Variants in HSDL1 observed in about 807,000 individuals in gnomAD.
HSDL1 encodes the protein inactive hydroxysteroid dehydrogenase-like protein 1.
HSDL1 carries 29 observed loss-of-function variants against 31.5 expected under a neutral mutation model. The ratio of observed to expected loss-of-function variants is 0.92; its 90% CI spans 0.69 to 1.26. The LOEUF (loss-of-function observed/expected upper bound fraction) is 1.26. Ranked by LOEUF, HSDL1 falls within the 50% of genes most tolerant of loss-of-function variation. The probability of loss-of-function intolerance (pLI) is 0.00; values close to 1 mark genes in which losing one functional copy is unlikely to be tolerated. For missense variants in HSDL1, 503 were observed against 416.6 expected (o/e 1.21, Z -1.81); for synonymous variants, 222 against 155.2 (o/e 1.43, Z -3.20).
chr16:84,130,959 T>G, intron 3 of HSDL1, 143 bp downstream of exon 3: 1 of 694,896 alleles, frequency 1.4e-6, no homozygotes, highest in East Asian at 2.6e-5. Flanking sequence ...GAAAATGAAA[T>G]GTGAACATAA....
chr16:84,140,013 C>A (rs1022382794), intron 1 of HSDL1, among the ~76,000 whole-genome samples: 1 of 152,194 alleles, frequency 6.6e-6, no homozygotes, highest in African/African-American at 2.4e-5. Context: ...TCAATCACTT[C>A]CTAACAAGCA....
At chr16:84,137,485 G>T (rs1036018624) in intron 1 of HSDL1, among the ~76,000 whole-genome samples, 4 of 152,198 alleles carry the variant, frequency 2.6e-5, no homozygotes, top group African/African-American at 9.7e-5. Context: ...AGCTGGTGGG[G>T]CTTGTTTAGG....
rs538226858 is a variant in HSDL1, at chr16:84,123,639, A to G, written c.*991T>C. On this transcript the variant is annotated 3_prime_UTR_variant, in exon 6 of 6. Coordinates refer to ENST00000219439, the MANE Select transcript of HSDL1 (RefSeq NM_031463.5). ...TTGTCCATATTTTACTATTCCATAA[A>G]TACTTACTATTTCTATCAATAATGC... The G allele has an allele frequency of 6.6e-6, 1 of 152,656 alleles. No individual in the cohort carries two copies. Among genetic ancestry groups the G allele is most frequent in the Non-Finnish European group, 1.5e-5 (1 of 68,042 alleles). 9.5% of individuals were successfully genotyped at this position (152,656 alleles called of 1,614,324 possible).
intron 5 of HSDL1, among the ~76,000 whole-genome samples, chr16:84,128,584 G>GT (rs550006226): frequency 9.2e-5 from 14 of 152,104 alleles, no homozygotes; most frequent in African/African-American, 2.2e-4. Context: ...TGGTTTTGTG[G>GT]TTTTTTTGGA....
At position 84,130,032 on chromosome 16, in the gene HSDL1, G is replaced by A. The variant is rs571177869; in HGVS notation, c.620C>T (p.Ser207Phe). Residue 207 changes from serine to phenylalanine, a missense_variant, in exon 4 of 6, where the codon TCC (serine) becomes TTC (phenylalanine). Transcript: ENST00000219439. ...KGAIVTISSG[S>F]CCKPTPQLAA... ...CAGCTGAGGAGTGGGTTTGCAGCAG[G>A]AGCCAGAAGAGATCGTGACGATGGC... is the stretch of plus-strand genomic sequence containing the variant. 8 of 1,614,136 alleles carry A rather than the reference G, an allele frequency of 5.0e-6. No homozygotes were observed. Among genetic ancestry groups the A allele is most frequent in the African/African-American group, 1.3e-5 (1 of 75,022 alleles).
chr16:84,131,880 C>T (rs1460039298), intron 2 of HSDL1, among the ~76,000 whole-genome samples: 2 of 152,154 alleles, frequency 1.3e-5, no homozygotes, highest in South Asian at 2.1e-4. Flanking sequence ...AGGGTTTCAC[C>T]GCGTTAGCCA....
At chr16:84,125,359 CCAAT>C (rs949636622) in intron 5 of HSDL1, among the ~76,000 whole-genome samples, 11 of 150,796 alleles carry the variant, frequency 7.3e-5, no homozygotes, top group Non-Finnish European at 1.3e-4. Context: ...CAAACACCCA[CCAAT>C]CAATCACAAT....
rs766503691 is a variant in HSDL1, at chr16:84,131,112, G to T, written c.210C>A (p.Ala70=). 6.2e-7 allele frequency: 1 copy of T among 1,607,338 alleles called. No homozygotes were observed. The highest frequency in any genetic ancestry group is 8.5e-7 in the Non-Finnish European group (1 of 1,174,426). Residue 70 remains alanine, a synonymous_variant, in exon 3 of 6, where the codon GCC becomes GCA. Coordinates refer to ENST00000219439, the MANE Select transcript of HSDL1 (RefSeq NM_031463.5). ...TATAAAGTAGGTTACCGCTGACAAC[G>T]GCCCATCTTCCATACTGCTTGATCA... ...ADLIKQYGRW[A]VVSGATDGIG...
In HSDL1 at chr16:84,123,718, A is replaced by G. The variant is rs1470242710; in HGVS notation, c.*912T>C. 6.6e-6 allele frequency: 1 copy of G among 152,642 alleles called. No individual in the cohort carries two copies. Among genetic ancestry groups the G allele is most frequent in the Non-Finnish European group, 1.5e-5 (1 of 68,040 alleles). The allele number at this position is 152,642 out of a possible 1,614,324, so 9.5% of individuals were successfully genotyped here. A position where few individuals can be genotyped will look rare whatever the true frequency, so the allele number is the denominator to read the frequency against. On this transcript the variant is annotated 3_prime_UTR_variant, in exon 6 of 6. Transcript: ENST00000219439. ...AAACGTAGGAAAACCAGATATAACA[A>G]GCTCTAAAGGGCTAAATTTCAGTTA...
intron 2 of HSDL1, 148 bp from the exon 3 acceptor site, chr16:84,131,475 C>T (rs939269137): frequency 1.6e-6 from 1 of 619,706 alleles, no homozygotes; most frequent in East Asian, 2.7e-5. Flanking sequence ...ACGTGGCTCA[C>T]AGTTTCAGTC....
At chr16:84,140,646 G>T (rs993742000) in intron 1 of HSDL1, among the ~76,000 whole-genome samples, 6 of 152,132 alleles carry the variant, frequency 3.9e-5, no homozygotes, top group Non-Finnish European at 8.8e-5. Context: ...TTAGCCACCA[G>T]CCTACTTAAC....
In HSDL1 at chr16:84,144,092, C is replaced by A. The variant is rs1168438223; in HGVS notation, c.-69+988G>T. Among the ~76,000 whole-genome samples, 7 of 146,654 alleles carry A rather than the reference C, an allele frequency of 4.8e-5. No individual in the cohort carries two copies. The Admixed American group carries it at 4.8e-4, about 10-fold the overall frequency. On this transcript the variant is annotated intron_variant, in intron 1 of 5. Transcript: ENST00000219439. ...TCCCTCCCTCTCTCTCTCTCTCTCTCTCCTGTGGCGGTCAGAGTAAAATTG... is the reference window on the plus strand; with the variant it reads ...TCCCTCCCTCTCTCTCTCTCTCTCTATCCTGTGGCGGTCAGAGTAAAATTG...
intron 5 of HSDL1, among the ~76,000 whole-genome samples, chr16:84,126,736 C>CCACACA (rs34136601): frequency 1.1e-4 from 16 of 151,236 alleles, no homozygotes; most frequent in Non-Finnish European, 1.9e-4. Context: ...ACACCCACAC[C>CCACACA]CACACACACA....
At chr16:84,136,017 G>C (rs1372520873) in intron 1 of HSDL1, among the ~76,000 whole-genome samples, 3 of 152,252 alleles carry the variant, frequency 2.0e-5, no homozygotes, top group African/African-American at 7.2e-5. Context: ...CCTGGTGCCT[G>C]TCTGGGTTTC....
intron 1 of HSDL1, among the ~76,000 whole-genome samples, chr16:84,137,618 C>G (rs1254881769): frequency 6.6e-6 from 1 of 152,218 alleles, no homozygotes; most frequent in African/African-American, 2.4e-5. Flanking sequence ...TTGCCAGACA[C>G]TTCACACATT....
At chr16:84,141,502 C>T (rs1471698063) in intron 1 of HSDL1, among the ~76,000 whole-genome samples, 2 of 152,256 alleles carry the variant, frequency 1.3e-5, no homozygotes, top group South Asian at 4.1e-4. Context: ...TTGTCCCCAT[C>T]TCCTGCACAC....
At chr16:84,127,695 G>A (rs1263224345) in intron 5 of HSDL1, among the ~76,000 whole-genome samples, 1 of 149,486 alleles carries the variant, frequency 6.7e-6, no homozygotes, top group Admixed American at 6.7e-5. Flanking sequence ...ATTCGGACCA[G>A]GTACAGTGAC....
At position 84,131,056 on chromosome 16, in the gene HSDL1, C is replaced by T. The variant is rs755032503; in HGVS notation, c.220+46G>A. The T allele has an allele frequency of 1.0e-5, 15 of 1,433,864 alleles. No homozygotes were observed. In the East Asian group the frequency reaches 3.0e-4, roughly 28 times the overall value. 88.8% of individuals were successfully genotyped at this position (1,433,864 alleles called of 1,614,324 possible). On this transcript the variant is annotated intron_variant, in intron 3 of 5. Transcript: ENST00000219439. ...AAATTCAATAGCTCCTTGAATAATG[C>T]ATCCGACTTCACAGAAAAGATTATT...
At chr16:84,135,027 A>G (rs1053570046) in intron 2 of HSDL1, among the ~76,000 whole-genome samples, 15 of 152,090 alleles carry the variant, frequency 9.9e-5, no homozygotes, top group Non-Finnish European at 7.4e-5. Context: ...AGGTCAGGAG[A>G]TCAAAACCAT....
Sources: gnomAD v4.1 joint callset for allele counts (sites outside exome capture counted in the v4.1 genomes callset) on GRCh38, gnomAD v4.1.1 for gene constraint, MANE v1.5 for transcripts, NCBI Gene and HGNC (gene_info 2026-07-23, HGNC 2026-07-21) for gene names.